The following GRM3 variants were observed in gnomAD, a reference collection of about 807,000 sequenced individuals.
The protein encoded by GRM3 is metabotropic glutamate receptor 3.
In GRM3, 26 loss-of-function variants were observed where a neutral mutation model predicts 70.5. The ratio of observed to expected loss-of-function variants is 0.37; its 90% CI spans 0.27 to 0.51. The LOEUF is 0.51. GRM3 is among the 20% of genes least tolerant of loss of function. GRM3 has a pLI of 0.93. For synonymous variants in GRM3, 443 were observed against 434.9 expected (o/e 1.02, Z -0.23); for missense variants, 859 against 1,123.8 (o/e 0.76, Z 3.37).
intron 1 of GRM3, among the ~76,000 whole-genome samples, chr7:86,753,130 A>G (rs1173911023): frequency 1.3e-5 from 2 of 152,062 alleles, no homozygotes; most frequent in African/African-American, 2.4e-5. Flanking sequence ...TTACACCTCA[A>G]TGAGAAGAAA....
At chr7:86,753,456 TA>T (rs1796276417) in intron 1 of GRM3, among the ~76,000 whole-genome samples, 1 of 152,076 alleles carries the variant, frequency 6.6e-6, no homozygotes, top group Non-Finnish European at 1.5e-5. Context: ...CATGTCCCAG[TA>T]AGAAATTATT....
intron 3 of GRM3, among the ~76,000 whole-genome samples, chr7:86,823,179 C>T (rs1435786858): frequency 6.6e-6 from 1 of 152,128 alleles, no homozygotes; most frequent in Non-Finnish European, 1.5e-5. Flanking sequence ...ACAGCCCTGC[C>T]AATATGCTGG....
chr7:86,790,534 C>A (rs1240416206), intron 3 of GRM3, among the ~76,000 whole-genome samples: 1 of 152,132 alleles, frequency 6.6e-6, no homozygotes, highest in Admixed American at 6.5e-5. Context: ...AGTCCTTCCT[C>A]TACTCAGAAC....
intron 1 of GRM3, among the ~76,000 whole-genome samples, chr7:86,760,533 T>C (rs146731413): frequency 7.3e-4 from 111 of 152,208 alleles, no homozygotes; most frequent in Admixed American, 1.0e-3. Flanking sequence ...TGCTGGCTGA[T>C]TTATAATGAA....
chr7:86,858,423 T>A (rs1275230718), intron 5 of GRM3, among the ~76,000 whole-genome samples: 3 of 152,088 alleles, frequency 2.0e-5, no homozygotes, highest in Non-Finnish European at 4.4e-5. Context: ...TAAGATTAAA[T>A]AAGGTGATCA....
intron 1 of GRM3, among the ~76,000 whole-genome samples, chr7:86,760,770 TAC>T (rs1226563522): frequency 2.0e-5 from 3 of 152,260 alleles, no homozygotes; most frequent in Non-Finnish European, 4.4e-5. Context: ...TAAATAAAAA[TAC>T]AGTGTATTTA....
rs184803498 is a variant in GRM3, at chr7:86,738,159, A to G, written c.-140-26847A>G. On this transcript the variant is annotated intron_variant, in intron 1 of 5. Transcript: ENST00000361669. The stretch of plus-strand genomic sequence containing the variant: ...ATGCCACCATAGGGATGGACAGCAA[A>G]CAGTGATTCAGGAACTAGTGATTTA... 2.6e-5 allele frequency among the ~76,000 whole-genome samples: 4 copies of G among 152,280 alleles called. No homozygotes were observed. In the East Asian group the frequency reaches 7.7e-4, roughly 29 times the overall value.
chr7:86,690,083 C>T (rs767907216), intron 1 of GRM3, among the ~76,000 whole-genome samples: 3 of 152,042 alleles, frequency 2.0e-5, no homozygotes, highest in African/African-American at 4.8e-5. Flanking sequence ...AAAGTTTCCA[C>T]GACAAACAAT....
Position 86,809,896 on chromosome 7 carries a change from C to T in GRM3, c.1324+22780C>T, listed in dbSNP as rs74759732. Among the ~76,000 whole-genome samples, 253 of 152,082 alleles carry T rather than the reference C, an allele frequency of 1.7e-3. 1 individual carries two copies. The highest frequency in any genetic ancestry group is 3.4e-3 in the Middle Eastern group (1 of 294). On this transcript the variant is annotated intron_variant, in intron 3 of 5. Coordinates refer to ENST00000361669, the MANE Select transcript of GRM3 (RefSeq NM_000840.3). ...TACAGCATCTCATTTAATATTTACACCATTCCCAAACAAACAATGCTTCTT... is the reference window on the plus strand; with the variant it reads ...TACAGCATCTCATTTAATATTTACATCATTCCCAAACAAACAATGCTTCTT...
Position 86,675,918 on chromosome 7 carries a change from A to T in GRM3, c.-141+31046A>T, listed in dbSNP as rs1794293865. 3.3e-5 allele frequency among the ~76,000 whole-genome samples: 5 copies of T among 152,184 alleles called. No homozygotes were observed. The South Asian group carries it at 1.0e-3, about 31-fold the overall frequency. ...TATTTAAGTTCTCAATAACTTTAAA[A>T]CTATCTTTATTCTGTTAATTCTTTC... On this transcript the variant is annotated intron_variant, in intron 1 of 5. Coordinates refer to ENST00000361669, the MANE Select transcript of GRM3 (RefSeq NM_000840.3).
Position 86,765,699 on chromosome 7 carries a change from G to A in GRM3, c.468+86G>A, listed in dbSNP as rs139639092. ...AACAAAAGGAAAATATCATAATAAC[G>A]TCATCAACGGATTATATCAACAATG... is the stretch of plus-strand genomic sequence containing the variant. On this transcript the variant is annotated intron_variant, in intron 2 of 5. Coordinates refer to ENST00000361669, the MANE Select transcript of GRM3 (RefSeq NM_000840.3). 8.2e-3 allele frequency: 8,490 copies of A among 1,030,106 alleles called. 67 individuals carry two copies. The highest frequency in any genetic ancestry group is 0.019 in the South Asian group (1,192 of 62,294). 63.8% of individuals were successfully genotyped at this position (1,030,106 alleles called of 1,614,324 possible).
At chr7:86,830,996 C>A (rs1295216795) in intron 3 of GRM3, among the ~76,000 whole-genome samples, 1 of 152,140 alleles carries the variant, frequency 6.6e-6, no homozygotes, top group Non-Finnish European at 1.5e-5. Context: ...CCACCAGGAG[C>A]TAAGAGAGAG....
chr7:86,680,734 G>T (rs1285777051), intron 1 of GRM3, among the ~76,000 whole-genome samples: 3 of 152,120 alleles, frequency 2.0e-5, no homozygotes, highest in African/African-American at 7.2e-5. Flanking sequence ...CCAAGTTTCA[G>T]AGCTCACATA....
chr7:86,738,574 C>T (rs1181128458), intron 1 of GRM3, among the ~76,000 whole-genome samples: 2 of 152,170 alleles, frequency 1.3e-5, no homozygotes, highest in Non-Finnish European at 2.9e-5. Flanking sequence ...GAAACTGACA[C>T]TTAGGCAAGT....
chr7:86,786,205 T>A lies in GRM3; in HGVS notation c.469-56T>A. ...GTGTGGATGCTATTATTCATTTTCA[T>A]GTCCAGTCATCTACCTCGGGGTTTC... is the stretch of plus-strand genomic sequence containing the variant. On this transcript the variant is annotated intron_variant, in intron 2 of 5. Coordinates refer to ENST00000361669, the MANE Select transcript of GRM3 (RefSeq NM_000840.3). This position sits in a 1 kb window ranked among gnomAD's most constrained non-coding sequence, Gnocchi z 6.0. 3 of 1,468,686 alleles carry A rather than the reference T, an allele frequency of 2.0e-6. No homozygotes were observed. The highest frequency in any genetic ancestry group is 2.8e-6 in the Non-Finnish European group (3 of 1,075,728). The allele number at this position is 1,468,686 out of a possible 1,614,324, so 91.0% of individuals were successfully genotyped here. A position where few individuals can be genotyped will look rare whatever the true frequency, so the allele number is the denominator to read the frequency against.
At chr7:86,690,715 C>T (rs984972983) in intron 1 of GRM3, among the ~76,000 whole-genome samples, 2 of 151,802 alleles carry the variant, frequency 1.3e-5, no homozygotes, top group Non-Finnish European at 2.9e-5. Flanking sequence ...ACAGCTTTGC[C>T]GAGTGGGAAT....
In GRM3 at chr7:86,644,504, C is replaced by G. The variant is rs1793404179; in HGVS notation, c.-509C>G. ...GGGGACTCGGCTGGGAAGAGCTCCC[C>G]TCCCCTCCGCGGAAGACCACTGGGT... On this transcript the variant is annotated 5_prime_UTR_variant, in exon 1 of 6. Transcript: ENST00000361669. 1 of 358,466 alleles carries G rather than the reference C, an allele frequency of 2.8e-6. No individual in the cohort carries two copies. The highest frequency in any genetic ancestry group is 5.5e-6 in the Non-Finnish European group (1 of 181,748). 22.2% of individuals were successfully genotyped at this position (358,466 alleles called of 1,614,324 possible).
intron 1 of GRM3, among the ~76,000 whole-genome samples, chr7:86,713,298 A>T (rs1795241259): frequency 6.6e-6 from 1 of 151,972 alleles, no homozygotes; most frequent in Admixed American, 6.6e-5. Context: ...ATATATTCAG[A>T]TATTTTGCTC....
At chr7:86,747,496 T>G (rs992993586) in intron 1 of GRM3, among the ~76,000 whole-genome samples, 5 of 152,132 alleles carry the variant, frequency 3.3e-5, no homozygotes, top group Non-Finnish European at 5.9e-5. Context: ...AAAGCCTTTG[T>G]TCTCTTTATA....
Sources: allele counts gnomAD v4.1 joint callset (sites outside exome capture counted in the v4.1 genomes callset), GRCh38; gene constraint gnomAD v4.1.1; non-coding constraint Gnocchi (gnomAD v3.1); transcripts MANE v1.5; gene names NCBI Gene and HGNC (gene_info 2026-07-23, HGNC 2026-07-21).